ADAM19: variants seen among roughly 807,000 people sequenced by gnomAD.
ADAM19 encodes the protein disintegrin and metalloproteinase domain-containing protein 19.
In ADAM19, 65 loss-of-function variants were observed where a neutral mutation model predicts 114.7. The observed-to-expected ratio is 0.57, with a 90% CI of 0.46 to 0.70. ADAM19 has a LOEUF of 0.70. Among genes scored for constraint, ADAM19 ranks in the 30% least tolerant of loss-of-function variants. The probability of loss-of-function intolerance (pLI) is 0.00; values close to 1 mark genes in which losing one functional copy is unlikely to be tolerated. For synonymous variants in ADAM19, 466 were observed against 460.5 expected, an observed-to-expected ratio of 1.01 and a Z score of -0.15; for missense variants, 1,063 against 1,204.7, an observed-to-expected ratio of 0.88 and a Z score of 1.74.
In ADAM19 at chr5:157,489,200, A is replaced by C; in HGVS notation, c.2241-14T>G. The C allele has an allele frequency of 1.9e-6, 3 of 1,595,754 alleles. No homozygotes were observed. Among genetic ancestry groups the C allele is most frequent in the Non-Finnish European group, 2.6e-6 (3 of 1,163,638 alleles). On this transcript the variant is annotated splice_polypyrimidine_tract_variant and intron_variant, in intron 19 of 22. Coordinates refer to ENST00000257527, the MANE Select transcript of ADAM19 (RefSeq NM_033274.5). ...CTGAAGGGACAACTAGAAACAAGAAATGGGGGAGGAAAAGAAAGGGGACGA... is the reference window on the plus strand; with the variant it reads ...CTGAAGGGACAACTAGAAACAAGAACTGGGGGAGGAAAAGAAAGGGGACGA...
chr5:157,513,868 G>A (rs1756010048), intron 7 of ADAM19, among the ~76,000 whole-genome samples: 2 of 152,164 alleles, frequency 1.3e-5, no homozygotes, highest in African/African-American at 4.8e-5. Flanking sequence ...TCCTCACCGT[G>A]GTCATCACCC....
intron 2 of ADAM19, among the ~76,000 whole-genome samples, chr5:157,566,931 C>A (rs1439785043): frequency 1.3e-5 from 2 of 152,188 alleles, no homozygotes; most frequent in Non-Finnish European, 2.9e-5. Flanking sequence ...CTCAGCCTCC[C>A]AAAGTGTTGG....
intron 10 of ADAM19, 22 bp downstream of exon 10, chr5:157,507,034 A>G: frequency 1.2e-6 from 2 of 1,607,460 alleles, no homozygotes; most frequent in Non-Finnish European, 1.7e-6. Context: ...TCTGCAGCGC[A>G]CACACACGGG....
intron 15 of ADAM19, 69 bp from the exon 16 acceptor site, chr5:157,493,246 G>A: frequency 6.5e-7 from 1 of 1,542,876 alleles, no homozygotes; most frequent in Admixed American, 1.7e-5. Flanking sequence ...GCACCAGAGA[G>A]CTTCAGTCTT....
chr5:157,558,999 T>C (rs1224487936), intron 3 of ADAM19, among the ~76,000 whole-genome samples: 1 of 152,206 alleles, frequency 6.6e-6, no homozygotes, highest in Non-Finnish European at 1.5e-5. Flanking sequence ...GAAAGCCTTC[T>C]CCTTCCCTAT....
In ADAM19 at chr5:157,478,778, A is replaced by G. The variant is rs1754667320; in HGVS notation, c.*2171T>C. On this transcript the variant is annotated 3_prime_UTR_variant, in exon 23 of 23. Coordinates refer to ENST00000257527, the MANE Select transcript of ADAM19 (RefSeq NM_033274.5). ...TGAAAATAATAAAACAAAACAAAACAAAAAGCAAGAAAACGACAACCCAGG... is the reference window on the plus strand; with the variant it reads ...TGAAAATAATAAAACAAAACAAAACGAAAAGCAAGAAAACGACAACCCAGG... 3.0e-6 allele frequency: 3 copies of G among 985,894 alleles called. No individual in the cohort carries two copies. Among genetic ancestry groups the G allele is most frequent in the Non-Finnish European group, 2.4e-6 (2 of 829,946 alleles). The allele number at this position is 985,894 out of a possible 1,614,324, so 61.1% of individuals were successfully genotyped here. A position where few individuals can be genotyped will look rare whatever the true frequency, so the allele number is the denominator to read the frequency against.
intron 1 of ADAM19, among the ~76,000 whole-genome samples, chr5:157,572,958 G>A (rs369427463): frequency 1.9e-3 from 288 of 152,320 alleles, no homozygotes; most frequent in African/African-American, 6.6e-3. Flanking sequence ...GCTGAGGCAC[G>A]AGAATCCCTT....
intron 3 of ADAM19, among the ~76,000 whole-genome samples, chr5:157,545,098 T>C (rs115985661): frequency 6.6e-6 from 1 of 152,212 alleles, no homozygotes; most frequent in Admixed American, 6.5e-5. Flanking sequence ...TGCTTAGCCC[T>C]TTTTAAGCTC....
intron 5 of ADAM19, among the ~76,000 whole-genome samples, chr5:157,525,980 C>A (rs1310753934): frequency 6.6e-6 from 1 of 152,010 alleles, no homozygotes; most frequent in African/African-American, 2.4e-5. Flanking sequence ...TTATTGCATA[C>A]CTCTGAAAGA....
chr5:157,480,938 C>T lies in ADAM19; in HGVS notation c.*11G>A. On this transcript the variant is annotated 3_prime_UTR_variant, in exon 23 of 23. Transcript: ENST00000257527. ...AGAGCTCAAGGAAAGGGAGAAGCCC[C>T]TTGGACAGGTCTAGATTTTCGAGCT... 1 of 1,614,138 alleles carries T rather than the reference C, an allele frequency of 6.2e-7. No individual in the cohort carries two copies. Among genetic ancestry groups the T allele is most frequent in the Non-Finnish European group, 8.5e-7 (1 of 1,180,018 alleles).
At chr5:157,530,699 A>G in intron 5 of ADAM19, 108 bp downstream of exon 5, 1 of 926,180 alleles carries the variant, frequency 1.1e-6, no homozygotes. Flanking sequence ...GCTTGCACAC[A>G]TTCTCAATGG....
chr5:157,499,545 C>G, intron 13 of ADAM19, 28 bp downstream of exon 13: 1 of 1,596,140 alleles, frequency 6.3e-7, no homozygotes, highest in Admixed American at 1.7e-5. Context: ...AGGCCAGGGC[C>G]CAAGGCGTGG....
At chr5:157,510,467 C>T (rs771714237) in intron 8 of ADAM19, among the ~76,000 whole-genome samples, 3 of 151,968 alleles carry the variant, frequency 2.0e-5, no homozygotes, top group Admixed American at 6.6e-5. Context: ...GGCGAAACTC[C>T]GTCTCAAAAA....
chr5:157,529,995 G>C (rs927339231), intron 5 of ADAM19, among the ~76,000 whole-genome samples: 2 of 152,168 alleles, frequency 1.3e-5, no homozygotes, highest in African/African-American at 4.8e-5. Context: ...TCCCAGAGAA[G>C]AACTGAGGAG....
intron 2 of ADAM19, chr5:157,568,424 T>A (rs1046780663): frequency 1.3e-5 from 2 of 152,226 alleles, no homozygotes; most frequent in Non-Finnish European, 2.9e-5. Context: ...TAAGGATCTA[T>A]GAAGCTTTTC....
intron 5 of ADAM19, among the ~76,000 whole-genome samples, chr5:157,529,562 G>T (rs577409180): frequency 1.3e-5 from 2 of 152,198 alleles, no homozygotes; most frequent in African/African-American, 2.4e-5. Flanking sequence ...GTAGGTCTGC[G>T]TGGAACCTGA....
intron 21 of ADAM19, among the ~76,000 whole-genome samples, chr5:157,483,926 C>A (rs1233482849): frequency 6.6e-6 from 1 of 151,266 alleles, no homozygotes; most frequent in Non-Finnish European, 1.5e-5. Context: ...AGCCACCACG[C>A]CCAGCCCTTG....
At position 157,567,808 on chromosome 5, in the gene ADAM19, A is replaced by T. The variant is rs181879987; in HGVS notation, c.180+3087T>A. Reference sequence around the variant, plus strand: ...GCGAAACTCCGTCTAAACAAAAAAAAAAAATAAAAAAGAAAGAAAGAAAGA... The same window carrying T: ...GCGAAACTCCGTCTAAACAAAAAAATAAAATAAAAAAGAAAGAAAGAAAGA... On this transcript the variant is annotated intron_variant, in intron 2 of 22. Coordinates refer to ENST00000257527, the MANE Select transcript of ADAM19 (RefSeq NM_033274.5). 4.2e-3 allele frequency among the ~76,000 whole-genome samples: 643 copies of T among 152,010 alleles called. 5 individuals carry two copies. The highest frequency in any genetic ancestry group is 0.013 in the African/African-American group (545 of 41,478).
chr5:157,498,185 G>T (rs61202187), intron 13 of ADAM19, among the ~76,000 whole-genome samples: 6,193 of 148,212 alleles, frequency 0.042, 430 homozygotes, highest in African/African-American at 0.15. Flanking sequence ...CCAGGAGAAG[G>T]CAGACAGGCT....
Sources: gnomAD v4.1 joint callset for allele counts (sites outside exome capture counted in the v4.1 genomes callset) on GRCh38, gnomAD v4.1.1 for gene constraint, MANE v1.5 for transcripts, NCBI Gene and HGNC (gene_info 2026-07-23, HGNC 2026-07-21) for gene names.